Variants in LPP observed in about 807,000 individuals in gnomAD.
The protein encoded by LPP is LIM domain containing preferred translocation partner in lipoma.
LPP carries 38 observed loss-of-function variants against 60.4 expected under a neutral mutation model. The ratio of observed to expected loss-of-function variants is 0.63; its 90% confidence interval spans 0.49 to 0.83. The LOEUF is 0.83. Ranked by LOEUF, LPP falls within the 40% of genes least tolerant of loss-of-function variation. The pLI is 0.00. For synonymous variants in LPP, 328 were observed against 290.8 expected (o/e 1.13, Z -1.30); for missense variants, 902 against 783.6 (o/e 1.15, Z -1.80).
At chr3:188,592,805 G>A (rs1029107730) in intron 6 of LPP, among the ~76,000 whole-genome samples, 12 of 151,870 alleles carry the variant, frequency 7.9e-5, no homozygotes, top group African/African-American at 1.7e-4. Flanking sequence ...CTCCCAAAGC[G>A]CTGGTATTAC....
At chr3:188,462,241 A>G (rs1579081164) in intron 4 of LPP, among the ~76,000 whole-genome samples, 1 of 151,386 alleles carries the variant, frequency 6.6e-6, no homozygotes, top group South Asian at 2.1e-4. Flanking sequence ...CATTATTATT[A>G]TTATTATTAT....
chr3:188,763,436 A>G lies in LPP; in HGVS notation c.1410+3154A>G, dbSNP rs1035198795. ...GATCCTATTAAAATTAAAAATTTACATGATTTTGAGGGAAAATGCACCAGT... is the reference window on the plus strand; with the variant it reads ...GATCCTATTAAAATTAAAAATTTACGTGATTTTGAGGGAAAATGCACCAGT... On this transcript the variant is annotated intron_variant, in intron 9 of 11. Coordinates refer to ENST00000617246, the MANE Select transcript of LPP (RefSeq NM_001375462.1). Among the ~76,000 whole-genome samples the G allele has an allele frequency of 3.3e-5, 5 of 152,156 alleles. 1 individual carries two copies. The South Asian group carries it at 8.3e-4, about 25-fold the overall frequency.
At chr3:188,611,235 T>C (rs1280867257) in intron 7 of LPP, among the ~76,000 whole-genome samples, 2 of 152,140 alleles carry the variant, frequency 1.3e-5, no homozygotes, top group African/African-American at 4.8e-5. Flanking sequence ...CATGATCCCT[T>C]TCCGATAGAT....
At chr3:188,488,847 C>T (rs1211274113) in intron 5 of LPP, among the ~76,000 whole-genome samples, 5 of 151,994 alleles carry the variant, frequency 3.3e-5, no homozygotes, top group Admixed American at 3.3e-4. Context: ...CTATATTGGC[C>T]AGGTTGGTCT....
intron 5 of LPP, among the ~76,000 whole-genome samples, chr3:188,493,985 G>A (rs993521906): frequency 1.3e-5 from 2 of 152,158 alleles, no homozygotes; most frequent in African/African-American, 4.8e-5. Context: ...TTTGGGGAGA[G>A]TATTTGGTAG....
intron 2 of LPP, among the ~76,000 whole-genome samples, chr3:188,250,861 CTT>C (rs1729216586): frequency 1.4e-5 from 2 of 138,518 alleles, no homozygotes; most frequent in South Asian, 4.7e-4. Context: ...TTCTCTCTTT[CTT>C]TTCTTTTTCT....
At chr3:188,316,737 A>G (rs1421326205) in intron 2 of LPP, among the ~76,000 whole-genome samples, 1 of 152,336 alleles carries the variant, frequency 6.6e-6, no homozygotes, top group African/African-American at 2.4e-5. Context: ...TCGAAAACTC[A>G]ATTTTCAGAT....
At chr3:188,654,930 G>A (rs80002705) in intron 7 of LPP, among the ~76,000 whole-genome samples, 78 of 152,272 alleles carry the variant, frequency 5.1e-4, no homozygotes, top group East Asian at 3.1e-3. Context: ...TTGTAGTCCA[G>A]GAGTTTGATG....
intron 7 of LPP, among the ~76,000 whole-genome samples, chr3:188,624,280 AG>A (rs1846354571): frequency 6.6e-6 from 1 of 152,230 alleles, no homozygotes; most frequent in Non-Finnish European, 1.5e-5. Flanking sequence ...GATCAGAGAA[AG>A]GGTATAGGAA....
intron 1 of LPP, among the ~76,000 whole-genome samples, chr3:188,213,445 A>C (rs1261009368): frequency 1.3e-5 from 2 of 152,150 alleles, no homozygotes; most frequent in African/African-American, 4.8e-5. Flanking sequence ...CTTCTCTCTC[A>C]GTTCGTTCTC....
rs142081588 is a variant in LPP at position 188,382,650 on chromosome 3, C to G, written c.-9-23462C>G. ...CGCCTTTGGACACTTTTCTTTTTAACCCTCCTTCATACCTAAGACAGTGCT... is the reference window on the plus strand; with the variant it reads ...CGCCTTTGGACACTTTTCTTTTTAAGCCTCCTTCATACCTAAGACAGTGCT... On this transcript the variant is annotated intron_variant, in intron 3 of 11. Transcript: ENST00000617246. 5.7e-3 allele frequency among the ~76,000 whole-genome samples: 864 copies of G among 152,260 alleles called. 10 individuals are homozygous for G. The highest frequency in any genetic ancestry group is 0.02 in the African/African-American group (833 of 41,542).
chr3:188,560,910 T>C (rs1830523090), intron 6 of LPP, among the ~76,000 whole-genome samples: 1 of 152,098 alleles, frequency 6.6e-6, no homozygotes, highest in Admixed American at 6.6e-5. Flanking sequence ...CTTACCCACA[T>C]TTTAGAGATG....
intron 9 of LPP, among the ~76,000 whole-genome samples, chr3:188,821,485 A>G (rs1753945679): frequency 6.6e-6 from 1 of 151,834 alleles, no homozygotes; most frequent in African/African-American, 2.4e-5. Context: ...GATAAATTTC[A>G]AAATCACCTG....
intron 4 of LPP, among the ~76,000 whole-genome samples, chr3:188,420,622 A>T (rs1787536093): frequency 6.6e-6 from 1 of 152,248 alleles, no homozygotes; most frequent in East Asian, 1.9e-4. Context: ...TGTCTTTTTT[A>T]GGGAAAGCAT....
chr3:188,791,860 C>T (rs1453391739), intron 9 of LPP, among the ~76,000 whole-genome samples: 1 of 152,090 alleles, frequency 6.6e-6, no homozygotes, highest in Non-Finnish European at 1.5e-5. Context: ...GTTTTGTTTG[C>T]CTGCACCCCA....
intron 1 of LPP, among the ~76,000 whole-genome samples, chr3:188,187,050 C>G (rs1237458427): frequency 6.6e-6 from 1 of 152,130 alleles, no homozygotes; most frequent in Non-Finnish European, 1.5e-5. Flanking sequence ...GAGTTTCCCT[C>G]CACTTTTCCT....
intron 9 of LPP, among the ~76,000 whole-genome samples, chr3:188,820,958 C>A (rs559878093): frequency 1.3e-5 from 2 of 152,028 alleles, no homozygotes; most frequent in Non-Finnish European, 2.9e-5. Context: ...TTTACATATA[C>A]GAGATGATTT....
intron 5 of LPP, among the ~76,000 whole-genome samples, chr3:188,495,571 A>G (rs1488029632): frequency 2.0e-5 from 3 of 152,308 alleles, no homozygotes; most frequent in Non-Finnish European, 1.5e-5. Context: ...ATTGTCGTCA[A>G]TAATATATGT....
intron 4 of LPP, among the ~76,000 whole-genome samples, chr3:188,454,512 T>C (rs1797291274): frequency 6.6e-6 from 1 of 152,210 alleles, no homozygotes; most frequent in Admixed American, 6.5e-5. Context: ...ATTTGTATTA[T>C]TGGAAAACAA....
Sources: gnomAD v4.1 joint callset for allele counts (sites outside exome capture counted in the v4.1 genomes callset) on GRCh38, gnomAD v4.1.1 for gene constraint, MANE v1.5 for transcripts, NCBI Gene and HGNC (gene_info 2026-07-23, HGNC 2026-07-21) for gene names.